The following CTNNA1 variants were observed in gnomAD, a reference collection of about 807,000 sequenced individuals.
CTNNA1 encodes catenin alpha 1.
CTNNA1 carries 37 observed loss-of-function variants against 98.4 expected under a neutral mutation model. That is an observed-to-expected ratio of 0.38 (90% confidence interval 0.29 to 0.49). The LOEUF (loss-of-function observed/expected upper bound fraction) is 0.49, where lower values mean the gene tolerates loss of function less well. Ranked by LOEUF, CTNNA1 falls within the 20% of genes least tolerant of loss-of-function variation. The pLI is 0.95. For synonymous variants in CTNNA1, 404 were observed against 413.2 expected (o/e 0.98, Z 0.27); for missense variants, 761 against 1,147.2 (o/e 0.66, Z 4.86).
rs778580048 is a variant in CTNNA1 at position 138,812,165 on chromosome 5, G to A, written c.469-18G>A. 6.2e-7 allele frequency: 1 copy of A among 1,607,350 alleles called. No homozygotes were observed. Among genetic ancestry groups the A allele is most frequent in the South Asian group, 1.1e-5 (1 of 89,452 alleles). On this transcript the variant is annotated intron_variant, in intron 4 of 17. Coordinates refer to ENST00000302763, the MANE Select transcript of CTNNA1 (RefSeq NM_001903.5). ...ACATTCAGAATTTTTGGGTTTTGGG[G>A]TCTTTCTTATTTTATAGGTGGAAGA...
chr5:138,863,100 G>C (rs1764433636), intron 7 of CTNNA1, among the ~76,000 whole-genome samples: 4 of 151,868 alleles, frequency 2.6e-5, no homozygotes, highest in Admixed American at 2.6e-4. Flanking sequence ...TGTGGATCAG[G>C]GCTCCTAACT....
At chr5:138,912,711 G>C (rs1208441795) in intron 10 of CTNNA1, among the ~76,000 whole-genome samples, 1 of 152,086 alleles carries the variant, frequency 6.6e-6, no homozygotes, top group Non-Finnish European at 1.5e-5. Flanking sequence ...TGCCTAGTTG[G>C]GGGCTCCTTG....
intron 7 of CTNNA1, among the ~76,000 whole-genome samples, chr5:138,880,887 C>G (rs1482170267): frequency 1.3e-5 from 2 of 151,940 alleles, no homozygotes; most frequent in Non-Finnish European, 2.9e-5. Flanking sequence ...TCTGAGAACC[C>G]TCTTAATAGG....
intron 9 of CTNNA1, among the ~76,000 whole-genome samples, chr5:138,893,693 G>A (rs1411593753): frequency 4.5e-5 from 6 of 133,726 alleles, no homozygotes; most frequent in African/African-American, 5.7e-5. Flanking sequence ...GCGCAATCTC[G>A]GCTCACTGCA....
chr5:138,919,210 A>G (rs1264584128), intron 11 of CTNNA1, among the ~76,000 whole-genome samples: 2 of 152,236 alleles, frequency 1.3e-5, no homozygotes, highest in African/African-American at 2.4e-5. Context: ...GTTTTTCCCA[A>G]TGAAGTACTG....
At chr5:138,850,862 C>A (rs986530435) in intron 7 of CTNNA1, among the ~76,000 whole-genome samples, 3 of 152,186 alleles carry the variant, frequency 2.0e-5, no homozygotes, top group Non-Finnish European at 4.4e-5. Flanking sequence ...CAAACAGAAA[C>A]CCTGTCTAAT....
At chr5:138,773,784 C>T (rs1475368342) in intron 1 of CTNNA1, among the ~76,000 whole-genome samples, 1 of 151,518 alleles carries the variant, frequency 6.6e-6, no homozygotes, top group African/African-American at 2.4e-5. Context: ...GATCATGGCT[C>T]ATTGCAGCCT....
chr5:138,858,181 C>T (rs1763898540), intron 7 of CTNNA1, among the ~76,000 whole-genome samples: 1 of 150,618 alleles, frequency 6.6e-6, no homozygotes, highest in Non-Finnish European at 1.5e-5. Flanking sequence ...GGCTGAAATG[C>T]AGTGATGTTA....
At chr5:138,808,272 C>T (rs1758310269) in intron 3 of CTNNA1, among the ~76,000 whole-genome samples, 1 of 152,138 alleles carries the variant, frequency 6.6e-6, no homozygotes, top group African/African-American at 2.4e-5. Flanking sequence ...TCCCTCCTTC[C>T]CTCCATAGAG....
chr5:138,760,367 C>A (rs1752213268), intron 1 of CTNNA1, among the ~76,000 whole-genome samples: 2 of 104,194 alleles, frequency 1.9e-5, no homozygotes, highest in South Asian at 7.3e-4. Flanking sequence ...TTTATCCATT[C>A]ATACTTTTTT....
At chr5:138,829,980 C>CGTG (rs1561571068) in intron 7 of CTNNA1, among the ~76,000 whole-genome samples, 2 of 152,044 alleles carry the variant, frequency 1.3e-5, no homozygotes, top group Non-Finnish European at 2.9e-5. Flanking sequence ...TCCTGGCTAA[C>CGTG]GTGGCGAAAC....
At chr5:138,789,497 G>A (rs182572183) in intron 3 of CTNNA1, among the ~76,000 whole-genome samples, 61 of 152,166 alleles carry the variant, frequency 4.0e-4, no homozygotes, top group South Asian at 1.7e-3. Flanking sequence ...TTGCTCTGTC[G>A]TCCAGGCCGG....
chr5:138,931,100 C>T lies in CTNNA1; in HGVS notation c.2298+165C>T, dbSNP rs911924637. ...ATAGATTTGTAAGGATTCTCTAGAG[C>T]GGATGTGTATGTCCTGGAATCTTCC... On this transcript the variant is annotated intron_variant, in intron 16 of 17. Coordinates refer to ENST00000302763, the MANE Select transcript of CTNNA1 (RefSeq NM_001903.5). The T allele has an allele frequency of 6.4e-5, 39 of 610,330 alleles. 1 individual carries two copies. Among genetic ancestry groups the T allele is most frequent in the African/African-American group, 5.9e-4 (32 of 53,974 alleles). The allele number at this position is 610,330 out of a possible 1,614,324, so 37.8% of individuals were successfully genotyped here. A position where few individuals can be genotyped will look rare whatever the true frequency, so the allele number is the denominator to read the frequency against.
chr5:138,791,345 G>A (rs549965151), intron 3 of CTNNA1, among the ~76,000 whole-genome samples: 2 of 152,150 alleles, frequency 1.3e-5, no homozygotes, highest in South Asian at 2.1e-4. Context: ...TCGGCCGGGT[G>A]CGGTGGCTCA....
intron 10 of CTNNA1, among the ~76,000 whole-genome samples, chr5:138,913,278 AG>A (rs1761045621): frequency 6.6e-6 from 1 of 151,924 alleles, no homozygotes; most frequent in African/African-American, 2.4e-5. Context: ...TATTGTCTTT[AG>A]TTACATTAAT....
intron 1 of CTNNA1, among the ~76,000 whole-genome samples, chr5:138,770,281 A>G (rs1015197849): frequency 3.3e-5 from 5 of 152,138 alleles, no homozygotes; most frequent in African/African-American, 1.2e-4. Context: ...TTTTTAGACT[A>G]GTCATTCAGT....
chr5:138,800,908 C>T (rs1160152982), intron 3 of CTNNA1, among the ~76,000 whole-genome samples: 3 of 152,176 alleles, frequency 2.0e-5, no homozygotes, highest in Non-Finnish European at 4.4e-5. Context: ...CTTTTTCTTA[C>T]AATGTCATGA....
At chr5:138,919,332 A>G (rs1177839352) in intron 11 of CTNNA1, among the ~76,000 whole-genome samples, 1 of 152,170 alleles carries the variant, frequency 6.6e-6, no homozygotes, top group African/African-American at 2.4e-5. Flanking sequence ...GATAAATACT[A>G]CATTCTTAAA....
chr5:138,821,218 G>T (rs1361571121), intron 5 of CTNNA1, among the ~76,000 whole-genome samples: 4 of 152,156 alleles, frequency 2.6e-5, no homozygotes, highest in Non-Finnish European at 5.9e-5. Flanking sequence ...AAAATTGATG[G>T]CAGAAGTAAG....
Sources: gnomAD v4.1 joint callset for allele counts (sites outside exome capture counted in the v4.1 genomes callset) on GRCh38, gnomAD v4.1.1 for gene constraint, MANE v1.5 for transcripts, NCBI Gene and HGNC (gene_info 2026-07-23, HGNC 2026-07-21) for gene names.